CHI3L2: variants seen among roughly 807,000 people sequenced by gnomAD.
CHI3L2 encodes the protein chitinase 3 like 2.
Under a neutral mutation model 47.3 loss-of-function variants are expected in CHI3L2, and 47 were observed. That is an observed-to-expected ratio of 0.99 (90% CI 0.79 to 1.27). CHI3L2 has a LOEUF of 1.27. Among genes scored for constraint, CHI3L2 ranks in the 50% most tolerant of loss-of-function variants. The pLI is 0.00. For synonymous variants in CHI3L2, 198 were observed against 169.9 expected, an observed-to-expected ratio of 1.17 and a Z score of -1.28; for missense variants, 497 against 462.1, an observed-to-expected ratio of 1.08 and a Z score of -0.69.
At chr1:111,241,250 T>C (rs1660045185) in intron 8 of CHI3L2, 77 bp from the exon 9 acceptor site, 2 of 815,902 alleles carry the variant, frequency 2.5e-6, no homozygotes, top group Non-Finnish European at 4.4e-6. Flanking sequence ...CCCTAGTGGC[T>C]CACCTGCCCT....
At chr1:111,242,411 G>C in intron 10 of CHI3L2, 45 bp downstream of exon 10, 2 of 1,550,000 alleles carry the variant, frequency 1.3e-6, no homozygotes. Flanking sequence ...CAGCTGGGCA[G>C]AACAGGGCAC....
chr1:111,227,890 CA>C, intron 1 of CHI3L2, 121 bp downstream of exon 1: 1 of 979,086 alleles, frequency 1.0e-6, no homozygotes, highest in East Asian at 2.6e-5. Flanking sequence ...ACCTTAGTGT[CA>C]AAAAATTTCA....
intron 8 of CHI3L2, among the ~76,000 whole-genome samples, chr1:111,239,923 G>C (rs1447151352): frequency 6.6e-6 from 1 of 152,142 alleles, no homozygotes; most frequent in Non-Finnish European, 1.5e-5. Flanking sequence ...GTGAAATACA[G>C]ACATAGCTAG....
chr1:111,229,655 CT>C (rs1659642555), intron 1 of CHI3L2, 196 bp from the exon 2 acceptor site: 1 of 608,638 alleles, frequency 1.6e-6, no homozygotes, highest in Non-Finnish European at 2.2e-6. Flanking sequence ...GCACTCCAGC[CT>C]GGGCGACAGA....
chr1:111,234,590 G>A (rs978755107), intron 4 of CHI3L2, among the ~76,000 whole-genome samples: 2 of 152,200 alleles, frequency 1.3e-5, no homozygotes, highest in Non-Finnish European at 2.9e-5. Flanking sequence ...AGAAGCCCAA[G>A]ATTGAGGTCC....
In CHI3L2 at chr1:111,231,572, A is replaced by G. The variant is rs1659723577; in HGVS notation, c.329+278A>G. 4 of 315,908 alleles carry G rather than the reference A, an allele frequency of 1.3e-5. No homozygotes were observed. In the South Asian group the frequency reaches 2.4e-4, roughly 19 times the overall value. 19.6% of individuals were successfully genotyped at this position (315,908 alleles called of 1,614,324 possible). On this transcript the variant is annotated intron_variant, in intron 4 of 10. Coordinates refer to ENST00000369748, the MANE Select transcript of CHI3L2 (RefSeq NM_004000.3). ...ATTCAGAAAATTCTGAATTATTTAC[A>G]TGAATGTTTTTCACTTTATGGATTA...
rs766715023 is a variant in CHI3L2 at position 111,241,432 on chromosome 1, A to G, written c.1024A>G (p.Met342Val). 1.2e-5 allele frequency: 19 copies of G among 1,577,174 alleles called. No homozygotes were observed. The change falls in exon 9 of 11, where the codon ATG (methionine) becomes GTG (valine). Residue 342 changes from methionine to valine, a missense_variant. Met to Val is a conservative substitution (Grantham distance 21, BLOSUM62 1). Coordinates refer to ENST00000369748, the MANE Select transcript of CHI3L2 (RefSeq NM_004000.3). ...QWVGYDDVKS[M>V]ETKVQFLKNL... ...GGTGGGCTATGATGATGTGAAGAGT[A>G]TGGAGACCAAGGTAGGTGGGCCACA...
intron 4 of CHI3L2, among the ~76,000 whole-genome samples, chr1:111,233,712 C>T (rs12728522): frequency 6.6e-5 from 10 of 151,508 alleles, no homozygotes; most frequent in Admixed American, 2.6e-4. Context: ...TCATTGAGAA[C>T]GGGCCATGAT....
intron 5 of CHI3L2, 123 bp downstream of exon 5, chr1:111,235,180 C>A: frequency 2.0e-6 from 2 of 986,162 alleles, no homozygotes; most frequent in South Asian, 1.8e-5. Context: ...ACAGCCCCAG[C>A]CTTTCTGAAG....
intron 3 of CHI3L2, 123 bp downstream of exon 3, chr1:111,231,066 T>C (rs576122293): frequency 2.0e-6 from 2 of 994,906 alleles, no homozygotes; most frequent in African/African-American, 1.6e-5. Context: ...TCTGGGTGTA[T>C]TTCTGATCCT....
intron 9 of CHI3L2, among the ~76,000 whole-genome samples, 167 bp downstream of exon 9, chr1:111,241,610 G>A (rs539980392): frequency 1.3e-4 from 20 of 152,248 alleles, no homozygotes; most frequent in Admixed American, 2.0e-4. Context: ...TGTCACACCC[G>A]CGAGCAGCTG....
intron 10 of CHI3L2, 179 bp downstream of exon 10, chr1:111,242,545 CT>C (rs957361049): frequency 2.7e-5 from 13 of 472,938 alleles, no homozygotes; most frequent in Non-Finnish European, 3.5e-5. Flanking sequence ...TTCCCATAGA[CT>C]TTTAAAGTAA....
chr1:111,237,784 T>C lies in CHI3L2; in HGVS notation c.736-966T>C, dbSNP rs558094922. Among the ~76,000 whole-genome samples, 11 of 152,308 alleles carry C rather than the reference T, an allele frequency of 7.2e-5. No individual in the cohort carries two copies. The South Asian group carries it at 2.1e-3, about 29-fold the overall frequency. On this transcript the variant is annotated intron_variant, in intron 7 of 10. Coordinates refer to ENST00000369748, the MANE Select transcript of CHI3L2 (RefSeq NM_004000.3). ...CTTGGCCAAGGGCATTCAAAGTTAA[T>C]CTGAAAAGTTAATTCAGGTCATGAT...
Position 111,227,766 on chromosome 1 carries a change from G to C in CHI3L2, c.37G>C (p.Ala13Pro). 6.2e-7 allele frequency: 1 copy of C among 1,614,158 alleles called. No homozygotes were observed. The highest frequency in any genetic ancestry group is 8.5e-7 in the Non-Finnish European group (1 of 1,179,972). ...ATTMDQKSLW[A>P]GVVVLLLLQG... ...CACCATGGACCAGAAGTCTCTCTGG[G>C]CAGGTGAGCATGGGGTTGATAATTC... The change falls in exon 1 of 11, where the codon GCA becomes CCA. Residue 13 changes from alanine (A) to proline (P), a missense_variant. Ala to Pro is a conservative substitution (Grantham distance 27). Coordinates refer to ENST00000369748, the MANE Select transcript of CHI3L2 (RefSeq NM_004000.3).
chr1:111,237,729 G>GC (rs1312840956), intron 7 of CHI3L2, among the ~76,000 whole-genome samples: 1 of 152,072 alleles, frequency 6.6e-6, no homozygotes, highest in Non-Finnish European at 1.5e-5. Flanking sequence ...AAAATTCTAA[G>GC]CCCCCCAGAC....
At chr1:111,228,447 T>C (rs978489395) in intron 1 of CHI3L2, among the ~76,000 whole-genome samples, 1 of 152,198 alleles carries the variant, frequency 6.6e-6, no homozygotes, top group Non-Finnish European at 1.5e-5. Context: ...GCCTTTTGGG[T>C]TCCCTGTTGA....
At chr1:111,242,490 C>G in intron 10 of CHI3L2, 124 bp downstream of exon 10, 1 of 1,097,500 alleles carries the variant, frequency 9.1e-7, no homozygotes, top group Admixed American at 2.9e-5. Context: ...GGCTCTTCTG[C>G]CATGTTTTCT....
intron 7 of CHI3L2, among the ~76,000 whole-genome samples, chr1:111,237,411 C>G (rs1659916602): frequency 1.3e-5 from 2 of 152,180 alleles, no homozygotes; most frequent in Admixed American, 1.3e-4. Context: ...TTTGCAAAGG[C>G]TGTTTCATAT....
At chr1:111,231,008 G>C in intron 3 of CHI3L2, 65 bp downstream of exon 3, 1 of 1,242,216 alleles carries the variant, frequency 8.1e-7, no homozygotes, top group Non-Finnish European at 1.2e-6. Context: ...GTCTTAAGCT[G>C]ACACTAAGAC....
Sources: gnomAD v4.1 joint callset for allele counts (sites outside exome capture counted in the v4.1 genomes callset) on GRCh38, gnomAD v4.1.1 for gene constraint, MANE v1.5 for transcripts, NCBI Gene and HGNC (gene_info 2026-07-23, HGNC 2026-07-21) for gene names.